Variants in TBC1D22A observed in about 807,000 individuals in gnomAD.
TBC1D22A encodes the protein TBC1 domain family member 22A.
A neutral mutation model predicts 60.2 loss-of-function variants in TBC1D22A; 38 were observed. That is an observed-to-expected ratio of 0.63 (90% CI 0.49 to 0.83). The LOEUF is 0.83. Ranked by LOEUF, TBC1D22A falls within the 40% of genes least tolerant of loss-of-function variation. The pLI, the probability that TBC1D22A is intolerant of heterozygous loss-of-function variation, is 0.00. For synonymous variants in TBC1D22A, 302 were observed against 281.7 expected, an observed-to-expected ratio of 1.07 and a Z score of -0.72; for missense variants, 628 against 701.0, an observed-to-expected ratio of 0.90 and a Z score of 1.18.
At chr22:46,788,764 T>C (rs2084275189) in intron 1 of TBC1D22A, among the ~76,000 whole-genome samples, 2 of 152,382 alleles carry the variant, frequency 1.3e-5, no homozygotes, top group Admixed American at 1.3e-4. Flanking sequence ...ATGCTGACTT[T>C]AGAATTTTCT....
At chr22:46,918,805 C>T (rs1001419280) in intron 8 of TBC1D22A, among the ~76,000 whole-genome samples, 3 of 152,142 alleles carry the variant, frequency 2.0e-5, no homozygotes, top group Non-Finnish European at 4.4e-5. Context: ...TGGACCACAG[C>T]CTCTTGCAAC....
At chr22:47,173,471 G>T in intron 12 of TBC1D22A, 27 bp from the exon 13 acceptor site, 1 of 1,613,016 alleles carries the variant, frequency 6.2e-7, no homozygotes, top group South Asian at 1.1e-5. Flanking sequence ...CACCTCCTCT[G>T]ACCTGGGCTT....
At chr22:46,903,369 G>C (rs2069151860) in intron 7 of TBC1D22A, among the ~76,000 whole-genome samples, 1 of 152,230 alleles carries the variant, frequency 6.6e-6, no homozygotes, top group African/African-American at 2.4e-5. Flanking sequence ...CATGGAGCCA[G>C]CCTGTTTGCC....
At chr22:47,147,056 G>A (rs749544017) in intron 12 of TBC1D22A, among the ~76,000 whole-genome samples, 2 of 152,220 alleles carry the variant, frequency 1.3e-5, no homozygotes, top group African/African-American at 2.4e-5. Flanking sequence ...GGGAAGGGCC[G>A]CTGCGCAGAA....
rs573000075 is a variant in TBC1D22A, at chr22:47,165,836, A to G, written c.1426-7662A>G. ...CCCCACTGCAGACAGCTGGCACTCC[A>G]CAGCACCTGCTGTGGTTAGGGTTTC... On this transcript the variant is annotated intron_variant, in intron 12 of 12. Coordinates refer to ENST00000337137, the MANE Select transcript of TBC1D22A (RefSeq NM_014346.5). 2.0e-5 allele frequency among the ~76,000 whole-genome samples: 3 copies of G among 152,182 alleles called. No homozygotes were observed. In the South Asian group the frequency reaches 6.2e-4, roughly 32 times the overall value.
At chr22:46,786,888 G>T (rs780704178) in intron 1 of TBC1D22A, among the ~76,000 whole-genome samples, 2 of 151,984 alleles carry the variant, frequency 1.3e-5, no homozygotes, top group Non-Finnish European at 2.9e-5. Flanking sequence ...GTCTTGCTTT[G>T]TTGGCCAGGC....
chr22:47,011,896 A>G (rs1016092721), intron 10 of TBC1D22A, among the ~76,000 whole-genome samples: 5 of 151,978 alleles, frequency 3.3e-5, no homozygotes, highest in South Asian at 2.1e-4. Flanking sequence ...ACAGAATACA[A>G]TGTTACGTAT....
At chr22:47,098,041 C>T (rs1356864552) in intron 11 of TBC1D22A, among the ~76,000 whole-genome samples, 1 of 150,302 alleles carries the variant, frequency 6.7e-6, no homozygotes, top group Admixed American at 6.6e-5. Context: ...TTATTAGATA[C>T]AATTTACTGG....
chr22:46,836,350 C>T (rs1174310268), intron 4 of TBC1D22A, among the ~76,000 whole-genome samples: 2 of 152,060 alleles, frequency 1.3e-5, no homozygotes, highest in Admixed American at 1.3e-4. Flanking sequence ...AGAGAGAGAA[C>T]TAAAAGTATA....
chr22:46,890,529 G>A (rs998513620), intron 5 of TBC1D22A, among the ~76,000 whole-genome samples: 10 of 152,056 alleles, frequency 6.6e-5, no homozygotes, highest in Non-Finnish European at 1.3e-4. Context: ...TTTATATAAG[G>A]GTCTTGAGTA....
chr22:47,038,681 T>G (rs1364207416), intron 11 of TBC1D22A, among the ~76,000 whole-genome samples: 1 of 152,230 alleles, frequency 6.6e-6, no homozygotes, highest in Non-Finnish European at 1.5e-5. Flanking sequence ...GTGAGTGTTT[T>G]GTGGCTCTGA....
At chr22:47,016,004 G>GC (rs368487637) in intron 10 of TBC1D22A, among the ~76,000 whole-genome samples, 118 of 152,160 alleles carry the variant, frequency 7.8e-4, no homozygotes, top group African/African-American at 2.7e-3. Flanking sequence ...CACTCCACGT[G>GC]CCCCCCTGGG....
intron 12 of TBC1D22A, among the ~76,000 whole-genome samples, chr22:47,145,919 T>TC (rs981423582): frequency 1.4e-4 from 21 of 152,130 alleles, no homozygotes; most frequent in African/African-American, 5.1e-4. Flanking sequence ...TGCTGGCCTG[T>TC]CCCATGCTGT....
intron 8 of TBC1D22A, among the ~76,000 whole-genome samples, chr22:46,963,678 C>T (rs2073656572): frequency 1.3e-5 from 2 of 152,218 alleles, no homozygotes; most frequent in Non-Finnish European, 1.5e-5. Context: ...CTTCTCCGGG[C>T]CCAGGTGCCA....
intron 11 of TBC1D22A, among the ~76,000 whole-genome samples, chr22:47,062,603 C>G (rs131928): frequency 6.6e-6 from 1 of 151,802 alleles, no homozygotes. Flanking sequence ...ATTCCTGTCA[C>G]GACATAAAAT....
At chr22:46,815,668 G>A (rs1267212670) in intron 4 of TBC1D22A, among the ~76,000 whole-genome samples, 1 of 152,192 alleles carries the variant, frequency 6.6e-6, no homozygotes, top group Non-Finnish European at 1.5e-5. Context: ...CATCTGCCTG[G>A]TGCTGGGCAC....
At chr22:47,153,899 T>G (rs1601694428) in intron 12 of TBC1D22A, among the ~76,000 whole-genome samples, 1 of 150,618 alleles carries the variant, frequency 6.6e-6, no homozygotes. Flanking sequence ...AGGCGGGGAG[T>G]GGACAGAGCC....
intron 11 of TBC1D22A, among the ~76,000 whole-genome samples, chr22:47,059,429 C>T (rs374179649): frequency 3.3e-5 from 5 of 152,348 alleles, no homozygotes; most frequent in African/African-American, 9.6e-5. Flanking sequence ...CATAGCTTTG[C>T]GCCTTCTTTC....
chr22:46,796,308 C>T (rs2084650199), intron 3 of TBC1D22A, among the ~76,000 whole-genome samples: 1 of 152,070 alleles, frequency 6.6e-6, no homozygotes, highest in African/African-American at 2.4e-5. Context: ...CTGAGGGTTT[C>T]TGTGTGAATT....
Sources: gnomAD v4.1 joint callset for allele counts (sites outside exome capture counted in the v4.1 genomes callset) on GRCh38, gnomAD v4.1.1 for gene constraint, MANE v1.5 for transcripts, NCBI Gene and HGNC (gene_info 2026-07-23, HGNC 2026-07-21) for gene names.